Variants in DPP10 observed in about 807,000 individuals in gnomAD.
DPP10 encodes dipeptidyl peptidase like 10.
In DPP10, 33 loss-of-function variants were observed where a neutral mutation model predicts 120.9. The ratio of observed to expected loss-of-function variants is 0.27; its 90% CI spans 0.21 to 0.37. The LOEUF (loss-of-function observed/expected upper bound fraction) is 0.37. Among genes scored for constraint, DPP10 ranks in the 10% least tolerant of loss-of-function variants. The probability of loss-of-function intolerance (pLI) is 1.00; values close to 1 mark genes in which losing one functional copy is unlikely to be tolerated. For missense variants in DPP10, 816 were observed against 942.8 expected, an observed-to-expected ratio of 0.87 and a Z score of 1.76; for synonymous variants, 337 against 326.1, an observed-to-expected ratio of 1.03 and a Z score of -0.36.
At chr2:115,371,406 T>A (rs2065401604) in intron 3 of DPP10, among the ~76,000 whole-genome samples, 1 of 152,160 alleles carries the variant, frequency 6.6e-6, no homozygotes, top group South Asian at 2.1e-4. Flanking sequence ...AATGTAGGCT[T>A]TTCAATAAAA....
chr2:114,472,032 G>A lies in DPP10; in HGVS notation c.60+29194G>A, dbSNP rs183832744. Among the ~76,000 whole-genome samples, 789 of 152,294 alleles carry A rather than the reference G, an allele frequency of 5.2e-3. 3 individuals are homozygous for A. Among genetic ancestry groups the A allele is most frequent in the African/African-American group, 0.018 (752 of 41,562 alleles). On this transcript the variant is annotated intron_variant, in intron 1 of 25. Transcript: ENST00000410059. Reference sequence around the variant, plus strand: ...ACTCAGGAATAACTATTGCAATGTGGGAGAGACCTCAGCATAACAGCTCAG... The same window carrying A: ...ACTCAGGAATAACTATTGCAATGTGAGAGAGACCTCAGCATAACAGCTCAG...
Position 114,916,267 on chromosome 2 carries a change from T to C in DPP10, c.61-392972T>C, listed in dbSNP as rs965313792. ...CCTGGAAACATATAACATGCTAAGA[T>C]TGAACCAAGAAGAAACAGAATACCT... On this transcript the variant is annotated intron_variant, in intron 1 of 25. Coordinates refer to ENST00000410059, the MANE Select transcript of DPP10 (RefSeq NM_020868.6). 1.6e-4 allele frequency among the ~76,000 whole-genome samples: 24 copies of C among 152,074 alleles called. 1 individual carries two copies. The highest frequency in any genetic ancestry group is 3.4e-3 in the Middle Eastern group (1 of 294).
chr2:115,543,006 C>A (rs1322695487), intron 5 of DPP10, among the ~76,000 whole-genome samples: 2 of 151,758 alleles, frequency 1.3e-5, no homozygotes, highest in Non-Finnish European at 2.9e-5. Flanking sequence ...TGTTGTCAAA[C>A]CTTTAAGTAA....
chr2:115,580,713 T>C (rs1227499766), intron 5 of DPP10, among the ~76,000 whole-genome samples: 5 of 152,242 alleles, frequency 3.3e-5, no homozygotes, highest in South Asian at 4.1e-4. Flanking sequence ...ATCAACACTT[T>C]AGTGAATCCT....
chr2:115,030,698 T>A (rs557713508), intron 1 of DPP10, among the ~76,000 whole-genome samples: 1 of 152,308 alleles, frequency 6.6e-6, no homozygotes, highest in Non-Finnish European at 1.5e-5. Context: ...CCATGTGTTC[T>A]CATCATTCAG....
chr2:114,455,282 C>T (rs187390019), intron 1 of DPP10, among the ~76,000 whole-genome samples: 61 of 152,058 alleles, frequency 4.0e-4, no homozygotes, highest in Non-Finnish European at 5.3e-4. Context: ...CAATGGCTCA[C>T]GCCTGTAATC....
intron 21 of DPP10, among the ~76,000 whole-genome samples, chr2:115,827,827 C>T (rs1688530520): frequency 6.6e-6 from 1 of 151,958 alleles, no homozygotes; most frequent in Non-Finnish European, 1.5e-5. Context: ...AAACTCCTGA[C>T]CTCAGGTGAT....
intron 3 of DPP10, among the ~76,000 whole-genome samples, chr2:115,431,934 C>T (rs1367848857): frequency 2.0e-5 from 3 of 152,060 alleles, no homozygotes; most frequent in Non-Finnish European, 4.4e-5. Context: ...GTTAGAATTA[C>T]ATCAGAATTA....
At chr2:115,745,521 C>CA (rs1677843733) in intron 9 of DPP10, among the ~76,000 whole-genome samples, 1 of 150,512 alleles carries the variant, frequency 6.6e-6, no homozygotes, top group Non-Finnish European at 1.5e-5. Flanking sequence ...GTCAATTATG[C>CA]AAATGAGTCA....
chr2:114,609,675 C>T (rs1693123501), intron 1 of DPP10, among the ~76,000 whole-genome samples: 1 of 152,162 alleles, frequency 6.6e-6, no homozygotes, highest in South Asian at 2.1e-4. Context: ...AATGTAAACA[C>T]AGAGATTCCA....
At chr2:115,060,289 T>C (rs551732008) in intron 1 of DPP10, among the ~76,000 whole-genome samples, 95 of 151,530 alleles carry the variant, frequency 6.3e-4, no homozygotes, top group Non-Finnish European at 1.2e-3. Flanking sequence ...AAAGGATAGG[T>C]AGATTTATCG....
intron 1 of DPP10, among the ~76,000 whole-genome samples, chr2:115,196,465 A>G (rs973493311): frequency 6.6e-6 from 1 of 152,142 alleles, no homozygotes; most frequent in African/African-American, 2.4e-5. Context: ...AAATTACTAT[A>G]AGACTATATT....
intron 1 of DPP10, among the ~76,000 whole-genome samples, chr2:114,843,864 A>G (rs1688348736): frequency 6.6e-6 from 1 of 152,128 alleles, no homozygotes. Context: ...GCTTCCCAAG[A>G]CATGTTTGTA....
intron 1 of DPP10, among the ~76,000 whole-genome samples, chr2:115,206,732 T>G (rs762328602): frequency 6.6e-6 from 1 of 152,184 alleles, no homozygotes; most frequent in Non-Finnish European, 1.5e-5. Context: ...TACTCCTCTA[T>G]TTATTGATGT....
intron 1 of DPP10, among the ~76,000 whole-genome samples, chr2:114,598,417 T>G (rs781538118): frequency 7.2e-5 from 11 of 151,822 alleles, no homozygotes; most frequent in Admixed American, 2.0e-4. Context: ...GCTAACTATT[T>G]TGCTTGTTGT....
At chr2:115,775,600 C>T (rs1282242770) in intron 13 of DPP10, among the ~76,000 whole-genome samples, 1 of 151,978 alleles carries the variant, frequency 6.6e-6, no homozygotes, top group African/African-American at 2.4e-5. Context: ...GTGAATCTCA[C>T]CAAATATTCT....
intron 1 of DPP10, among the ~76,000 whole-genome samples, chr2:114,677,432 G>A (rs182380174): frequency 9.9e-5 from 15 of 152,200 alleles, no homozygotes; most frequent in Admixed American, 7.2e-4. Flanking sequence ...TTACTGGGGG[G>A]CTGAAATACA....
chr2:114,893,418 T>C (rs929450789), intron 1 of DPP10, among the ~76,000 whole-genome samples: 2 of 152,050 alleles, frequency 1.3e-5, no homozygotes, highest in African/African-American at 4.8e-5. Flanking sequence ...TTCAGGAACA[T>C]GGCATTTAGG....
At chr2:115,734,239 T>C (rs185935506) in intron 8 of DPP10, among the ~76,000 whole-genome samples, 1 of 152,274 alleles carries the variant, frequency 6.6e-6, no homozygotes, top group East Asian at 1.9e-4. Context: ...TGGGTCAGGT[T>C]TATTCTTGGG....
Sources: allele counts gnomAD v4.1 joint callset (sites outside exome capture counted in the v4.1 genomes callset), GRCh38; gene constraint gnomAD v4.1.1; transcripts MANE v1.5; gene names NCBI Gene and HGNC (gene_info 2026-07-23, HGNC 2026-07-21).